TTC39C: variants seen among roughly 807,000 people sequenced by gnomAD.
TTC39C encodes the protein tetratricopeptide repeat domain 39C, also known as tetratricopeptide repeat protein 39C.
A neutral mutation model predicts 76.3 loss-of-function variants in TTC39C; 33 were observed. The observed-to-expected ratio is 0.43, with a 90% CI of 0.33 to 0.58. The LOEUF is 0.58. TTC39C is among the 20% of genes least tolerant of loss of function. The probability of loss-of-function intolerance (pLI) is 0.04; values close to 1 mark genes in which losing one functional copy is unlikely to be tolerated. For synonymous variants in TTC39C, 254 were observed against 260.6 expected, an observed-to-expected ratio of 0.97 and a Z score of 0.24; for missense variants, 595 against 701.4, an observed-to-expected ratio of 0.85 and a Z score of 1.71.
chr18:23,993,290 T>C (rs1035664394), intron 1 of TTC39C, among the ~76,000 whole-genome samples: 9 of 152,248 alleles, frequency 5.9e-5, no homozygotes, highest in Admixed American at 5.9e-4. Context: ...AAATCTCTGC[T>C]ATTTTTCAAC....
At chr18:24,046,764 G>T (rs965336542) in intron 1 of TTC39C, among the ~76,000 whole-genome samples, 1 of 151,698 alleles carries the variant, frequency 6.6e-6, no homozygotes, top group African/African-American at 2.4e-5. Context: ...GAAATGTAGA[G>T]AACTTTCCAA....
intron 4 of TTC39C, among the ~76,000 whole-genome samples, chr18:24,072,241 A>G (rs985416861): frequency 1.8e-4 from 27 of 150,444 alleles, no homozygotes; most frequent in Admixed American, 1.4e-3. Context: ...GGGCACACAC[A>G]CAGGCCAGAG....
intron 3 of TTC39C, 55 bp from the exon 4 acceptor site, chr18:24,069,102 G>A: frequency 7.4e-7 from 1 of 1,342,480 alleles, no homozygotes; most frequent in South Asian, 1.2e-5. Flanking sequence ...CTGTTTGGGG[G>A]AACTGTCGTT....
At chr18:24,092,836 G>A (rs1236242073) in intron 6 of TTC39C, among the ~76,000 whole-genome samples, 1 of 152,166 alleles carries the variant, frequency 6.6e-6, no homozygotes, top group East Asian at 1.9e-4. Context: ...TGTAATCTCA[G>A]CACTTTGGGA....
At chr18:24,007,235 T>C (rs1168479226) in intron 1 of TTC39C, among the ~76,000 whole-genome samples, 1 of 152,230 alleles carries the variant, frequency 6.6e-6, no homozygotes, top group East Asian at 1.9e-4. Flanking sequence ...GCAAAACATG[T>C]TGGACACACA....
chr18:24,072,782 G>A (rs1304367052), intron 4 of TTC39C, among the ~76,000 whole-genome samples: 2 of 152,024 alleles, frequency 1.3e-5, no homozygotes, highest in Non-Finnish European at 2.9e-5. Context: ...ATATTTTATG[G>A]CACTTGCCAC....
intron 1 of TTC39C, among the ~76,000 whole-genome samples, chr18:24,046,182 C>T (rs1019269887): frequency 1.3e-5 from 2 of 151,788 alleles, no homozygotes; most frequent in Non-Finnish European, 2.9e-5. Context: ...TCGTGATCCA[C>T]CTGCCTTGGC....
At chr18:24,006,850 T>C (rs1331855009) in intron 1 of TTC39C, among the ~76,000 whole-genome samples, 1 of 152,198 alleles carries the variant, frequency 6.6e-6, no homozygotes, top group African/African-American at 2.4e-5. Context: ...TATGAATGTG[T>C]ATCTGGCTAC....
intron 7 of TTC39C, chr18:24,115,009 C>T (rs891423163): frequency 5.2e-6 from 1 of 193,440 alleles, no homozygotes; most frequent in Admixed American, 6.0e-5. Context: ...ACTGAAGTCC[C>T]AGTGTTTTTC....
In TTC39C at chr18:24,114,800, T is replaced by C. The variant is rs1409461578; in HGVS notation, c.1078+153T>C. 8.9e-6 allele frequency: 5 copies of C among 560,488 alleles called. No homozygotes were observed. In the Admixed American group the frequency reaches 1.3e-4, roughly 15 times the overall value. The allele number at this position is 560,488 out of a possible 1,614,324, so 34.7% of individuals were successfully genotyped here. On this transcript the variant is annotated intron_variant, in intron 7 of 13. Transcript: ENST00000317571. ...ATTCCCGTAGCACATGCAATGATACTTCTCTCTGATTCTCATTACGTTTTT... is the reference window on the plus strand; with the variant it reads ...ATTCCCGTAGCACATGCAATGATACCTCTCTCTGATTCTCATTACGTTTTT...
At chr18:24,093,846 T>C (rs181762128) in intron 6 of TTC39C, among the ~76,000 whole-genome samples, 255 of 152,340 alleles carry the variant, frequency 1.7e-3, no homozygotes, top group African/African-American at 5.9e-3. Context: ...ATCTTTTGGC[T>C]GGTGGAGGGT....
intron 8 of TTC39C, among the ~76,000 whole-genome samples, chr18:24,121,404 A>G (rs2084967147): frequency 6.6e-6 from 1 of 152,022 alleles, no homozygotes; most frequent in African/African-American, 2.4e-5. Flanking sequence ...ACATGGAGAA[A>G]CTCCATCTCT....
At position 24,134,394 on chromosome 18, in the gene TTC39C, C is replaced by A. The variant is rs1187979876; in HGVS notation, c.*1820C>A. On this transcript the variant is annotated 3_prime_UTR_variant, in exon 14 of 14. Transcript: ENST00000317571. ...GTTCACACCATTCTCCTGCCTCAGCCTCCCAAGTAGCTGGGACTACAGGCA... is the reference window on the plus strand; with the variant it reads ...GTTCACACCATTCTCCTGCCTCAGCATCCCAAGTAGCTGGGACTACAGGCA... 1.3e-5 allele frequency: 2 copies of A among 150,952 alleles called. No homozygotes were observed. The highest frequency in any genetic ancestry group is 2.9e-5 in the Non-Finnish European group (2 of 67,904). The allele number at this position is 150,952 out of a possible 1,614,324, so 9.4% of individuals were successfully genotyped here.
intron 1 of TTC39C, chr18:24,000,588 A>G (rs1047559459): frequency 6.6e-6 from 1 of 152,448 alleles, no homozygotes; most frequent in Middle Eastern, 3.4e-3. Context: ...GAAAAGAGAA[A>G]GAGAATCCTT....
Position 24,014,963 on chromosome 18 carries a change from A to G in TTC39C, c.92A>G (p.Glu31Gly). Residue 31 changes from glutamate to glycine, a missense_variant, in exon 1 of 14, where the codon GAG (glutamate) becomes GGG (glycine). Glu to Gly is a moderately conservative substitution (Grantham distance 98). Transcript: ENST00000317571. ...AAAAAPLQDAELALAGINMLL... is the reference protein window; with the variant it reads ...AAAAAPLQDAGLALAGINMLL... ...GCGGCGGCGCCCCTGCAGGACGCGG[A>G]GCTGGCCCTGGCCGGCATCAACATG... The G allele has an allele frequency of 6.5e-7, 1 of 1,530,240 alleles. No individual in the cohort carries two copies. The highest frequency in any genetic ancestry group is 8.8e-7 in the Non-Finnish European group (1 of 1,138,506). The allele number at this position is 1,530,240 out of a possible 1,614,324, so 94.8% of individuals were successfully genotyped here.
At position 24,019,383 on chromosome 18, in the gene TTC39C, C is replaced by T. The variant is rs576394753; in HGVS notation, c.167+4345C>T. On this transcript the variant is annotated intron_variant, in intron 1 of 13. Coordinates refer to ENST00000317571, the MANE Select transcript of TTC39C (RefSeq NM_001135993.2). ...GTCAACTAAAATAGGAAACATGTAT[C>T]GTTACTATGAATGTTTATTGGTACA... is the stretch of plus-strand genomic sequence containing the variant. Among the ~76,000 whole-genome samples the T allele has an allele frequency of 3.3e-5, 5 of 152,264 alleles. No homozygotes were observed. In the East Asian group the frequency reaches 5.8e-4, roughly 18 times the overall value.
intron 12 of TTC39C, among the ~76,000 whole-genome samples, 168 bp downstream of exon 12, chr18:24,130,585 A>G (rs2085113896): frequency 6.6e-6 from 1 of 152,136 alleles, no homozygotes; most frequent in Admixed American, 6.5e-5. Context: ...TAGTAATACT[A>G]CCTTATTATC....
chr18:24,076,801 A>C (rs948681348), intron 4 of TTC39C: 1 of 152,128 alleles, frequency 6.6e-6, no homozygotes, highest in Non-Finnish European at 1.5e-5. Context: ...AGACTTTAAC[A>C]TGTGCCTTCA....
At chr18:24,047,735 A>C (rs944715058) in intron 1 of TTC39C, among the ~76,000 whole-genome samples, 2 of 152,206 alleles carry the variant, frequency 1.3e-5, no homozygotes, top group Non-Finnish European at 1.5e-5. Context: ...TTGATACTTT[A>C]ATAAAACTTT....
Sources: gnomAD v4.1 joint callset for allele counts (sites outside exome capture counted in the v4.1 genomes callset) on GRCh38, gnomAD v4.1.1 for gene constraint, MANE v1.5 for transcripts, NCBI Gene and HGNC (gene_info 2026-07-23, HGNC 2026-07-21) for gene names.